The following RORA variants were observed in gnomAD, a reference collection of about 807,000 sequenced individuals.
The protein encoded by RORA is RAR related orphan receptor A, also known as nuclear receptor ROR-alpha.
A neutral mutation model predicts 69.5 loss-of-function variants in RORA; 7 were observed. That is an observed-to-expected ratio of 0.10 (90% confidence interval 0.06 to 0.19). RORA has a LOEUF of 0.19. Ranked by LOEUF, RORA falls within the 10% of genes least tolerant of loss-of-function variation. The pLI is 1.00. For synonymous variants in RORA, 261 were observed against 240.8 expected (o/e 1.08, Z -0.78); for missense variants, 457 against 663.0 (o/e 0.69, Z 3.41).
intron 1 of RORA, among the ~76,000 whole-genome samples, chr15:60,921,670 C>T (rs1892052546): frequency 6.6e-6 from 1 of 152,124 alleles, no homozygotes; most frequent in African/African-American, 2.4e-5. Context: ...ATGTGTTATG[C>T]TCCAATACAA....
intron 1 of RORA, among the ~76,000 whole-genome samples, chr15:60,968,487 C>T (rs1893619786): frequency 6.6e-6 from 1 of 152,154 alleles, no homozygotes; most frequent in African/African-American, 2.4e-5. Context: ...GCTAATAGGG[C>T]CAACCCAGGC....
At chr15:61,190,044 T>C (rs1057379150) in intron 1 of RORA, among the ~76,000 whole-genome samples, 5 of 152,112 alleles carry the variant, frequency 3.3e-5, no homozygotes, top group African/African-American at 1.2e-4. Context: ...ATGAGATTTA[T>C]ATCTATTGGC....
In RORA at chr15:60,556,942, C is replaced by A. The variant is rs1265110026; in HGVS notation, c.197-25091G>T. ...CCTCCAGGAACACTTGTTTGTCCAC[C>A]CCAATCCAATGATAAAGGACAAAGA... On this transcript the variant is annotated intron_variant, in intron 2 of 10. Transcript: ENST00000335670. 10 of 1,602,302 alleles carry A rather than the reference C, an allele frequency of 6.2e-6. No individual in the cohort carries two copies. The East Asian group carries it at 2.0e-4, about 32-fold the overall frequency.
chr15:60,721,451 CTTA>C (rs2071292500), intron 1 of RORA, among the ~76,000 whole-genome samples: 3 of 152,176 alleles, frequency 2.0e-5, no homozygotes, highest in Non-Finnish European at 2.9e-5. Context: ...CAATAATATT[CTTA>C]TTTATGTTTT....
chr15:60,964,191 T>C (rs968808958), intron 1 of RORA, among the ~76,000 whole-genome samples: 1 of 152,246 alleles, frequency 6.6e-6, no homozygotes, highest in African/African-American at 2.4e-5. Context: ...CCTGAATGGT[T>C]TTCCCATTCT....
intron 1 of RORA, among the ~76,000 whole-genome samples, chr15:61,157,957 T>A (rs2079459689): frequency 6.6e-6 from 1 of 152,150 alleles, no homozygotes; most frequent in Non-Finnish European, 1.5e-5. Flanking sequence ...TGTATGTTCC[T>A]CAGCTGGAGC....
At chr15:60,587,877 C>T (rs1332277971) in intron 2 of RORA, among the ~76,000 whole-genome samples, 1 of 152,052 alleles carries the variant, frequency 6.6e-6, no homozygotes, top group Non-Finnish European at 1.5e-5. Flanking sequence ...TGCATTTTGC[C>T]CATTGGATAG....
At chr15:60,752,713 G>A (rs2071743416) in intron 1 of RORA, among the ~76,000 whole-genome samples, 1 of 141,858 alleles carries the variant, frequency 7.0e-6, no homozygotes, top group African/African-American at 2.6e-5. Flanking sequence ...CCAAAACATC[G>A]ACTCTGACCT....
intron 1 of RORA, among the ~76,000 whole-genome samples, chr15:60,833,281 T>G (rs1411843331): frequency 2.5e-4 from 38 of 151,798 alleles, no homozygotes. Flanking sequence ...AGTGGTGCTA[T>G]CTTCACTTAC....
intron 1 of RORA, among the ~76,000 whole-genome samples, chr15:61,047,260 G>A (rs182144904): frequency 1.1e-4 from 16 of 152,344 alleles, no homozygotes; most frequent in Admixed American, 6.5e-4. Flanking sequence ...ACATGGCCTG[G>A]GCCCCCTGCA....
At chr15:60,592,662 G>C in intron 2 of RORA, 1 of 1,096,608 alleles carries the variant, frequency 9.1e-7, no homozygotes, top group Non-Finnish European at 1.1e-6. Context: ...GCGGGAGGCA[G>C]GCGCGCCCCA....
Position 61,088,889 on chromosome 15 carries a change from A to G in RORA, c.166+140164T>C, listed in dbSNP as rs146042678. Among the ~76,000 whole-genome samples, 174 of 152,284 alleles carry G rather than the reference A, an allele frequency of 1.1e-3. 1 individual carries two copies. The Middle Eastern group carries it at 0.014, about 12-fold the overall frequency. ...ACAGCCAAACCTCTAAAATCTCCCAATCACCCATGTCATCACCATGCAGGT... is the reference window on the plus strand; with the variant it reads ...ACAGCCAAACCTCTAAAATCTCCCAGTCACCCATGTCATCACCATGCAGGT... On this transcript the variant is annotated intron_variant, in intron 1 of 10. Coordinates refer to ENST00000335670, the MANE Select transcript of RORA (RefSeq NM_134261.3).
chr15:60,801,254 A>C (rs990981472), intron 1 of RORA, among the ~76,000 whole-genome samples: 2 of 152,148 alleles, frequency 1.3e-5, no homozygotes, highest in Non-Finnish European at 2.9e-5. Flanking sequence ...AACATTCTCT[A>C]AGTAGTGGCC....
At chr15:60,699,364 G>A (rs1018131965) in intron 1 of RORA, among the ~76,000 whole-genome samples, 11 of 151,992 alleles carry the variant, frequency 7.2e-5, no homozygotes, top group Non-Finnish European at 1.0e-4. Context: ...AGTTTAGCTT[G>A]CACAGAAATT....
chr15:60,582,594 G>A (rs533215418), intron 2 of RORA, among the ~76,000 whole-genome samples: 1 of 152,172 alleles, frequency 6.6e-6, no homozygotes, highest in Non-Finnish European at 1.5e-5. Flanking sequence ...TGCGGACAGG[G>A]TGACTCATGT....
chr15:61,182,297 G>A, intron 1 of RORA, among the ~76,000 whole-genome samples: 1 of 152,286 alleles, frequency 6.6e-6, no homozygotes, highest in East Asian at 1.9e-4. Flanking sequence ...AGTATCATCA[G>A]GAACAGACCA....
At chr15:60,692,719 T>G (rs1458718365) in intron 1 of RORA, among the ~76,000 whole-genome samples, 1 of 152,196 alleles carries the variant, frequency 6.6e-6, no homozygotes, top group Admixed American at 6.5e-5. Flanking sequence ...TTTGCATTCA[T>G]GTTTGAAATT....
In RORA at chr15:60,624,687, T is replaced by C. The variant is rs77788965; in HGVS notation, c.196+53970A>G. On this transcript the variant is annotated intron_variant, in intron 2 of 10. Transcript: ENST00000335670. ...CATGCTACTATGGCTACAAACTATG[T>C]TGGTTAGTTGGTATTTTCTTCCTGG... 5.0e-3 allele frequency among the ~76,000 whole-genome samples: 758 copies of C among 151,748 alleles called. 7 individuals are homozygous for C. The highest frequency in any genetic ancestry group is 0.017 in the African/African-American group (713 of 41,342).
At chr15:61,222,068 T>G (rs1441417126) in intron 1 of RORA, among the ~76,000 whole-genome samples, 1 of 152,190 alleles carries the variant, frequency 6.6e-6, no homozygotes, top group East Asian at 1.9e-4. Context: ...ACCATAATAT[T>G]TCCTACTCAT....
Sources: gnomAD v4.1 joint callset for allele counts (sites outside exome capture counted in the v4.1 genomes callset) on GRCh38, gnomAD v4.1.1 for gene constraint, MANE v1.5 for transcripts, NCBI Gene and HGNC (gene_info 2026-07-23, HGNC 2026-07-21) for gene names.